Variants in AKAP6 observed in about 807,000 individuals in gnomAD.
AKAP6 encodes A-kinase anchoring protein 6, also known as A-kinase anchor protein 6.
AKAP6 carries 58 observed loss-of-function variants against 188.5 expected under a neutral mutation model. The ratio of observed to expected loss-of-function variants is 0.31; its 90% CI spans 0.25 to 0.38. The LOEUF (loss-of-function observed/expected upper bound fraction) is 0.38, where lower values mean the gene tolerates loss of function less well. Among genes scored for constraint, AKAP6 ranks in the 10% least tolerant of loss-of-function variants. AKAP6 has a pLI of 1.00. For missense variants in AKAP6, 2,710 were observed against 2,740.0 expected, an observed-to-expected ratio of 0.99 and a Z score of 0.24; for synonymous variants, 989 against 998.6, an observed-to-expected ratio of 0.99 and a Z score of 0.18.
intron 1 of AKAP6, among the ~76,000 whole-genome samples, chr14:32,422,588 C>T (rs138006227): frequency 6.6e-6 from 1 of 152,256 alleles, no homozygotes; most frequent in Non-Finnish European, 1.5e-5. Context: ...ATTGGGGCTT[C>T]ATTACATAGG....
At chr14:32,409,532 C>T (rs993070416) in intron 1 of AKAP6, among the ~76,000 whole-genome samples, 3 of 152,190 alleles carry the variant, frequency 2.0e-5, no homozygotes, top group African/African-American at 7.2e-5. Flanking sequence ...TATCCTTGAA[C>T]ATGTTCCAGG....
In AKAP6 at chr14:32,545,481, G is replaced by A. The variant is rs769326962; in HGVS notation, c.828G>A (p.Thr276=). 2.0e-5 allele frequency: 33 copies of A among 1,614,120 alleles called. No homozygotes were observed. In the South Asian group the frequency reaches 2.7e-4, roughly 13 times the overall value. Residue 276 remains threonine, a synonymous_variant, in exon 4 of 14, where the codon ACG becomes ACA. Transcript: ENST00000280979. ...PELIRSVGLL[T]VAADSISTNG... ...TTATCCGAAGTGTTGGTTTACTTAC[G>A]GTAGCTGCTGACTCTATCTCTACCA...
At chr14:32,331,520 T>TAAAA (rs1420865916) in intron 1 of AKAP6, among the ~76,000 whole-genome samples, 53 of 152,250 alleles carry the variant, frequency 3.5e-4, no homozygotes, top group African/African-American at 1.2e-3. Flanking sequence ...GTGCTCTTTT[T>TAAAA]GCTCCAGGAG....
chr14:32,449,368 A>T (rs113189836), intron 2 of AKAP6, among the ~76,000 whole-genome samples: 11 of 152,040 alleles, frequency 7.2e-5, no homozygotes, highest in African/African-American at 2.7e-4. Context: ...CAAACAAACA[A>T]AAAATTAGGC....
chr14:32,420,671 C>T (rs1379188164), intron 1 of AKAP6, among the ~76,000 whole-genome samples: 2 of 152,132 alleles, frequency 1.3e-5, no homozygotes, highest in African/African-American at 2.4e-5. Flanking sequence ...CAGATTTTCT[C>T]TCAACATCAT....
Position 32,836,251 on chromosome 14 carries a change from GA to G in AKAP6, c.*6447del, listed in dbSNP as rs34413704. On this transcript the variant is annotated 3_prime_UTR_variant, in exon 14 of 14. Coordinates refer to ENST00000280979, the MANE Select transcript of AKAP6 (RefSeq NM_004274.5). ...AAGTTCTGGAGACTGGGAAGTTCAA[GA>G]TCAAGATGCTAGCAGATTCAGTGTC... The G allele has an allele frequency of 0.38, 58,423 of 152,048 alleles. 12,444 individuals carry two copies. The highest frequency in any genetic ancestry group is 0.48 in the Non-Finnish European group (32,841 of 68,114). 9.4% of individuals were successfully genotyped at this position (152,048 alleles called of 1,614,324 possible). A position where few individuals can be genotyped will look rare whatever the true frequency, so the allele number is the denominator to read the frequency against.
chr14:32,650,228 A>T (rs1002231818), intron 7 of AKAP6, among the ~76,000 whole-genome samples: 5 of 152,100 alleles, frequency 3.3e-5, no homozygotes, highest in African/African-American at 1.2e-4. Context: ...GCTTCCCCCT[A>T]ATTCACCTTA....
intron 4 of AKAP6, among the ~76,000 whole-genome samples, chr14:32,547,840 T>C (rs934692208): frequency 5.1e-5 from 6 of 118,722 alleles, no homozygotes; most frequent in African/African-American, 2.0e-4. Context: ...TGAGACCCTG[T>C]CTCAAAAAAA....
intron 4 of AKAP6, among the ~76,000 whole-genome samples, chr14:32,566,579 G>A (rs1170136444): frequency 1.3e-5 from 2 of 152,052 alleles, no homozygotes; most frequent in Non-Finnish European, 2.9e-5. Context: ...CTGATACATA[G>A]TAAACTCTCA....
At chr14:32,554,289 C>A (rs1883600760) in intron 4 of AKAP6, among the ~76,000 whole-genome samples, 1 of 152,186 alleles carries the variant, frequency 6.6e-6, no homozygotes, top group Admixed American at 6.5e-5. Context: ...TTGCCTTTTA[C>A]AGAACAAATT....
At chr14:32,821,029 A>G (rs567963121) in intron 12 of AKAP6, among the ~76,000 whole-genome samples, 1 of 152,142 alleles carries the variant, frequency 6.6e-6, no homozygotes, top group East Asian at 1.9e-4. Flanking sequence ...GTGTGAATGC[A>G]CCTTAGGAGA....
chr14:32,352,479 C>G (rs1887321363), intron 1 of AKAP6, among the ~76,000 whole-genome samples: 1 of 152,096 alleles, frequency 6.6e-6, no homozygotes, highest in Non-Finnish European at 1.5e-5. Context: ...AGTCACTGTA[C>G]TGTGCAATAG....
rs1219248115 is a variant in AKAP6 at position 32,821,671 on chromosome 14, C to T, written c.3858C>T (p.Tyr1286=). The change falls in exon 13 of 14, where the codon TAC becomes TAT. Residue 1286 remains tyrosine (Y), a synonymous_variant. Coordinates refer to ENST00000280979, the MANE Select transcript of AKAP6 (RefSeq NM_004274.5). ...NITAPSSPHI[Y]QVYSLHNVEL... The stretch of plus-strand genomic sequence containing the variant: ...CTGCCCCCTCTAGTCCACACATTTA[C>T]CAGGTGTACAGCCTCCACAATGTTG... The T allele has an allele frequency of 6.2e-7, 1 of 1,613,686 alleles. No homozygotes were observed. The highest frequency in any genetic ancestry group is 1.3e-5 in the African/African-American group (1 of 74,960).
intron 1 of AKAP6, among the ~76,000 whole-genome samples, chr14:32,363,899 A>G (rs891242032): frequency 6.6e-6 from 1 of 152,358 alleles, no homozygotes; most frequent in Non-Finnish European, 1.5e-5. Context: ...CTAGGGAAAG[A>G]AGAGAGCAGT....
chr14:32,765,606 G>A (rs1383962510), intron 11 of AKAP6, among the ~76,000 whole-genome samples: 1 of 151,660 alleles, frequency 6.6e-6, no homozygotes, highest in Non-Finnish European at 1.5e-5. Context: ...TTATCATACA[G>A]CAGAATGTCT....
chr14:32,528,172 G>A (rs1882225575), intron 2 of AKAP6, among the ~76,000 whole-genome samples: 1 of 152,136 alleles, frequency 6.6e-6, no homozygotes, highest in Admixed American at 6.5e-5. Context: ...ATTATTACTT[G>A]CTAGTAGATG....
intron 12 of AKAP6, among the ~76,000 whole-genome samples, chr14:32,801,539 A>G (rs1433705489): frequency 2.6e-5 from 4 of 152,208 alleles, no homozygotes; most frequent in African/African-American, 9.6e-5. Flanking sequence ...TTTCTTTTAG[A>G]TCAATTAAAA....
intron 2 of AKAP6, among the ~76,000 whole-genome samples, chr14:32,518,256 A>G (rs1881628621): frequency 6.6e-6 from 1 of 152,226 alleles, no homozygotes; most frequent in Non-Finnish European, 1.5e-5. Flanking sequence ...CAGAGCAGAA[A>G]AGCTGAAAAT....
At chr14:32,410,613 G>C (rs1441138455) in intron 1 of AKAP6, among the ~76,000 whole-genome samples, 1 of 152,050 alleles carries the variant, frequency 6.6e-6, no homozygotes, top group Non-Finnish European at 1.5e-5. Context: ...TATAGAGTTT[G>C]ACTCTTTTCA....
Sources: gnomAD v4.1 joint callset for allele counts (sites outside exome capture counted in the v4.1 genomes callset) on GRCh38, gnomAD v4.1.1 for gene constraint, MANE v1.5 for transcripts, NCBI Gene and HGNC (gene_info 2026-07-23, HGNC 2026-07-21) for gene names.